The following ACSL5 variants were observed in gnomAD, a reference collection of about 807,000 sequenced individuals.
ACSL5 encodes the protein acyl-CoA synthetase long chain family member 5, also known as long-chain-fatty-acid--CoA ligase 5.
ACSL5 carries 50 observed loss-of-function variants against 84.9 expected under a neutral mutation model. That is an observed-to-expected ratio of 0.59 (90% confidence interval 0.47 to 0.75). ACSL5 has a LOEUF of 0.75. Ranked by LOEUF, ACSL5 falls within the 30% of genes least tolerant of loss-of-function variation. The probability of loss-of-function intolerance (pLI) is 0.00; values close to 1 mark genes in which losing one functional copy is unlikely to be tolerated. For missense variants in ACSL5, 775 were observed against 830.4 expected, an observed-to-expected ratio of 0.93 and a Z score of 0.82; for synonymous variants, 280 against 300.7, an observed-to-expected ratio of 0.93 and a Z score of 0.71.
chr10:112,381,468 A>G (rs1219577459), intron 1 of ACSL5, among the ~76,000 whole-genome samples: 1 of 151,184 alleles, frequency 6.6e-6, no homozygotes, highest in Non-Finnish European at 1.5e-5. Flanking sequence ...AGAGTTCGAG[A>G]CCAGCCTGGC....
rs1474448274 is a variant in ACSL5, at chr10:112,408,268, C to T, written c.433-154C>T. On this transcript the variant is annotated intron_variant, in intron 5 of 20. Coordinates refer to ENST00000354655, the MANE Select transcript of ACSL5 (RefSeq NM_203379.2). ...GAGCTATGATCACACCACTGCACTCCAGCCTGGGCAGCAGAGTGAGGCACT... is the reference window on the plus strand; with the variant it reads ...GAGCTATGATCACACCACTGCACTCTAGCCTGGGCAGCAGAGTGAGGCACT... The T allele has an allele frequency of 5.5e-6, 3 of 542,274 alleles. No individual in the cohort carries two copies. The African/African-American group carries it at 5.9e-5, about 11-fold the overall frequency. 33.6% of individuals were successfully genotyped at this position (542,274 alleles called of 1,614,324 possible). A position where few individuals can be genotyped will look rare whatever the true frequency, so the allele number is the denominator to read the frequency against.
intron 1 of ACSL5, among the ~76,000 whole-genome samples, chr10:112,377,309 G>A (rs1251019928): frequency 6.6e-6 from 1 of 152,216 alleles, no homozygotes; most frequent in Non-Finnish European, 1.5e-5. Flanking sequence ...GGAGTCTGAG[G>A]TGGGTGGATC....
intron 13 of ACSL5, among the ~76,000 whole-genome samples, 170 bp from the exon 14 acceptor site, chr10:112,417,676 G>A (rs1251037844): frequency 6.6e-6 from 1 of 152,150 alleles, no homozygotes; most frequent in African/African-American, 2.4e-5. Flanking sequence ...CATTTTAAGT[G>A]CTTTTCTACA....
At chr10:112,376,278 C>G in intron 1 of ACSL5, 2 of 1,613,870 alleles carry the variant, frequency 1.2e-6, no homozygotes, top group Non-Finnish European at 1.7e-6. Context: ...CAGGGCAGAA[C>G]TGGGGACACT....
chr10:112,411,629 C>CAT, intron 10 of ACSL5, 100 bp downstream of exon 10: 3 of 531,410 alleles, frequency 5.6e-6, no homozygotes, highest in Admixed American at 2.9e-5. Context: ...CACACACATA[C>CAT]ACACACACAC....
chr10:112,403,022 CTTT>C (rs1843942366), intron 3 of ACSL5, among the ~76,000 whole-genome samples: 1 of 152,172 alleles, frequency 6.6e-6, no homozygotes, highest in Non-Finnish European at 1.5e-5. Flanking sequence ...AAGTTTAATT[CTTT>C]TATTGTCAAA....
At chr10:112,422,701 C>T (rs769644642) in intron 17 of ACSL5, among the ~76,000 whole-genome samples, 3 of 151,638 alleles carry the variant, frequency 2.0e-5, no homozygotes, top group Non-Finnish European at 4.4e-5. Context: ...ACTAAAAATA[C>T]AAAAATTAGC....
rs1844158702 is a variant in ACSL5, at chr10:112,410,735, C to G, written c.796+100C>G. Reference sequence around the variant, plus strand: ...GCTGGTAAATACTCCCTCTAAAGAGCCCTATACTTAGGGGCTCACAGCCTA... The same window carrying G: ...GCTGGTAAATACTCCCTCTAAAGAGGCCTATACTTAGGGGCTCACAGCCTA... On this transcript the variant is annotated intron_variant, in intron 9 of 20. Coordinates refer to ENST00000354655, the MANE Select transcript of ACSL5 (RefSeq NM_203379.2). 4 of 1,275,516 alleles carry G rather than the reference C, an allele frequency of 3.1e-6. No individual in the cohort carries two copies. In the East Asian group the frequency reaches 7.6e-5, roughly 24 times the overall value. 79.0% of individuals were successfully genotyped at this position (1,275,516 alleles called of 1,614,324 possible). A position where few individuals can be genotyped will look rare whatever the true frequency, so the allele number is the denominator to read the frequency against.
chr10:112,387,362 T>C (rs1849473691), intron 1 of ACSL5, among the ~76,000 whole-genome samples: 1 of 152,228 alleles, frequency 6.6e-6, no homozygotes, highest in African/African-American at 2.4e-5. Flanking sequence ...TTCACGTTCA[T>C]AGCATATAAA....
rs1844329175 is a variant in ACSL5, at chr10:112,416,977, C to G, written c.1173C>G (p.Ile391Met). The G allele has an allele frequency of 6.2e-7, 1 of 1,613,902 alleles. No individual in the cohort carries two copies. The highest frequency in any genetic ancestry group is 8.5e-7 in the Non-Finnish European group (1 of 1,179,992). ...TCAAAGAGCTTCAAAAGGGTATCAT[C>G]AGGCATGATAGTTTCTGGGACAAGC... ...SKFKELQKGI[I>M]RHDSFWDKLI... Residue 391 changes from isoleucine to methionine, a missense_variant, in exon 13 of 21, where the codon ATC becomes ATG. Physicochemically the swap from Ile to Met is conservative, Grantham distance 10 (BLOSUM62 1). Transcript: ENST00000354655.
Position 112,401,843 on chromosome 10 carries a change from C to CTTTCTTT in ACSL5, c.266-2668_266-2667insTTTCTTT, listed in dbSNP as rs1564736549. On this transcript the variant is annotated intron_variant, in intron 3 of 20. Coordinates refer to ENST00000354655, the MANE Select transcript of ACSL5 (RefSeq NM_203379.2). ...TTCTTTCTTTCTTTCTTTCTTTCTT[C>CTTTCTTT]CTTCCTTCCTTCCTTTCTTTCTTTC... is the stretch of plus-strand genomic sequence containing the variant. Among the ~76,000 whole-genome samples the CTTTCTTT allele has an allele frequency of 4.1e-3, 244 of 59,928 alleles. 2 individuals are homozygous for CTTTCTTT. Among genetic ancestry groups the CTTTCTTT allele is most frequent in the East Asian group, 0.014 (34 of 2,398 alleles). 39.3% of individuals were successfully genotyped at this position (59,928 alleles called of 152,430 possible).
chr10:112,427,388 C>T lies in ACSL5; in HGVS notation c.*30C>T, dbSNP rs778546093. Reference sequence around the variant, plus strand: ...AGGTACTTAAGTACCTGCCGGCCCACTGTGCACTGCTTGTGAGAAAATGGA... The same window carrying T: ...AGGTACTTAAGTACCTGCCGGCCCATTGTGCACTGCTTGTGAGAAAATGGA... On this transcript the variant is annotated 3_prime_UTR_variant, in exon 21 of 21. Coordinates refer to ENST00000354655, the MANE Select transcript of ACSL5 (RefSeq NM_203379.2). 16 of 1,554,912 alleles carry T rather than the reference C, an allele frequency of 1.0e-5. No homozygotes were observed. In the East Asian group the frequency reaches 3.7e-4, roughly 36 times the overall value.
At chr10:112,387,168 T>G (rs1219255967) in intron 1 of ACSL5, among the ~76,000 whole-genome samples, 1 of 152,228 alleles carries the variant, frequency 6.6e-6, no homozygotes, top group Non-Finnish European at 1.5e-5. Flanking sequence ...ATGCTTTTCT[T>G]TGACTGAGTT....
chr10:112,398,808 C>T (rs1280235656), intron 2 of ACSL5, 93 bp from the exon 3 acceptor site: 6 of 1,010,056 alleles, frequency 5.9e-6, no homozygotes, highest in African/African-American at 1.6e-5. Flanking sequence ...ACCTCAAAAT[C>T]GGCATTTATG....
In ACSL5 at chr10:112,426,292, A is replaced by G. The variant is rs1382067445; in HGVS notation, c.1772A>G (p.Asp591Gly). 1 of 1,614,064 alleles carries G rather than the reference A, an allele frequency of 6.2e-7. No homozygotes were observed. The highest frequency in any genetic ancestry group is 8.5e-7 in the Non-Finnish European group (1 of 1,179,996). Residue 591 changes from aspartate (D) to glycine (G), a missense_variant, in exon 19 of 21, where the codon GAT becomes GGT. Physicochemically the swap from Asp to Gly is moderately conservative, Grantham distance 94. Coordinates refer to ENST00000354655, the MANE Select transcript of ACSL5 (RefSeq NM_203379.2). ...SLVGVVVPDT[D>G]VLPSFAAKLG... The stretch of plus-strand genomic sequence containing the variant: ...GTAGGAGTGGTGGTTCCTGACACAG[A>G]TGTACTTCCCTCATTTGCAGCCAAG...
At chr10:112,418,304 G>A (rs896226452) in intron 14 of ACSL5, among the ~76,000 whole-genome samples, 8 of 152,202 alleles carry the variant, frequency 5.3e-5, no homozygotes, top group Non-Finnish European at 1.0e-4. Context: ...CTCCCTAGCC[G>A]GGCATGGTGG....
intron 1 of ACSL5, among the ~76,000 whole-genome samples, chr10:112,380,458 C>T (rs1262993615): frequency 1.3e-5 from 2 of 151,658 alleles, no homozygotes; most frequent in Non-Finnish European, 2.9e-5. Flanking sequence ...CCCCTGCCAC[C>T]CCCCGCCCCC....
chr10:112,400,720 T>G (rs1484629027), intron 3 of ACSL5, among the ~76,000 whole-genome samples: 2 of 152,044 alleles, frequency 1.3e-5, no homozygotes, highest in Non-Finnish European at 2.9e-5. Context: ...ACCTGGTTAA[T>G]TTTTTTAATT....
rs1345155599 is a variant in ACSL5, at chr10:112,404,792, C to T, written c.418C>T (p.Gln140Ter). ...AGACCAGTTTGTCGGCATCTTTGCT[C>T]AGAATAGGCCAGAGGTAACTATGTT... is the stretch of plus-strand genomic sequence containing the variant. ...SPDQFVGIFA[Q>*]NRPEWIISEL... Residue 140 changes from glutamine (Q) to a stop codon, truncating the protein, a stop_gained, in exon 5 of 21, where the codon CAG (glutamine) becomes TAG (stop). Coordinates refer to ENST00000354655, the MANE Select transcript of ACSL5 (RefSeq NM_203379.2). LOFTEE classifies it high-confidence loss of function. 1 of 1,612,788 alleles carries T rather than the reference C, an allele frequency of 6.2e-7. No homozygotes were observed. The highest frequency in any genetic ancestry group is 1.3e-5 in the African/African-American group (1 of 74,860).
Sources: allele counts gnomAD v4.1 joint callset (sites outside exome capture counted in the v4.1 genomes callset), GRCh38; gene constraint gnomAD v4.1.1; transcripts MANE v1.5; gene names NCBI Gene and HGNC (gene_info 2026-07-23, HGNC 2026-07-21).